TMEM120B: variants seen among roughly 807,000 people sequenced by gnomAD.
TMEM120B encodes the protein transmembrane protein 120B.
In TMEM120B, 31 loss-of-function variants were observed where a neutral mutation model predicts 55.5. That is an observed-to-expected ratio of 0.56 (90% CI 0.42 to 0.75). TMEM120B has a LOEUF of 0.75. Among genes scored for constraint, TMEM120B ranks in the 30% least tolerant of loss-of-function variants. TMEM120B has a pLI of 0.00. For synonymous variants in TMEM120B, 203 were observed against 176.3 expected (o/e 1.15, Z -1.20); for missense variants, 399 against 425.5 (o/e 0.94, Z 0.55).
At chr12:121,753,750 C>T (rs1274017879) in intron 5 of TMEM120B, among the ~76,000 whole-genome samples, 2 of 151,862 alleles carry the variant, frequency 1.3e-5, no homozygotes, top group Non-Finnish European at 2.9e-5. Flanking sequence ...GTTTTGAGAC[C>T]AACTGGCTGT....
chr12:121,728,051 A>C (rs916953976), intron 1 of TMEM120B, among the ~76,000 whole-genome samples: 3 of 151,272 alleles, frequency 2.0e-5, no homozygotes, highest in African/African-American at 7.3e-5. Context: ...TCTGTCGCCC[A>C]GGCTAGAGTG....
At position 121,748,359 on chromosome 12, in the gene TMEM120B, G is replaced by C. The variant is rs756138571; in HGVS notation, c.222G>C (p.Glu74Asp). ...GCCATGCCAGTCGGGAGGAGGCGGA[G>C]CTCGTTCAGCAGATGGCAGCGAACA... ...CKRHASREEA[E>D]LVQQMAANIK... Residue 74 changes from glutamate (E) to aspartate (D), a missense_variant, in exon 3 of 12, where the codon GAG becomes GAC. Physicochemically the swap from Glu to Asp is conservative, Grantham distance 45. Coordinates refer to ENST00000449592, the MANE Select transcript of TMEM120B (RefSeq NM_001080825.2). The C allele has an allele frequency of 3.7e-6, 6 of 1,611,130 alleles. No homozygotes were observed. Among genetic ancestry groups the C allele is most frequent in the Middle Eastern group, 1.7e-4 (1 of 6,048 alleles).
rs756080084 is a variant in TMEM120B at position 121,780,813 on chromosome 12, C to G, written c.*5091C>G. 14 of 1,556,708 alleles carry G rather than the reference C, an allele frequency of 9.0e-6. No homozygotes were observed. Among genetic ancestry groups the G allele is most frequent in the Non-Finnish European group, 1.2e-5 (14 of 1,155,118 alleles). On this transcript the variant is annotated 3_prime_UTR_variant, in exon 12 of 12. Transcript: ENST00000449592. ...ACTAAGGCACCCCAGTTGCAGAGGCCAAAGGTCCGGGAGGCTTCACAGCCA... is the reference window on the plus strand; with the variant it reads ...ACTAAGGCACCCCAGTTGCAGAGGCGAAAGGTCCGGGAGGCTTCACAGCCA...
At chr12:121,746,197 T>A (rs1390855277) in intron 2 of TMEM120B, among the ~76,000 whole-genome samples, 1 of 150,148 alleles carries the variant, frequency 6.7e-6, no homozygotes, top group Non-Finnish European at 1.5e-5. Context: ...CCACTTTTTT[T>A]TTTTTTTGAG....
At chr12:121,731,027 C>T (rs74466708) in intron 1 of TMEM120B, among the ~76,000 whole-genome samples, 2,180 of 151,296 alleles carry the variant, frequency 0.014, 21 homozygotes, top group South Asian at 0.04. Context: ...TAGTCAAATT[C>T]GTAGAGACAG....
intron 5 of TMEM120B, chr12:121,758,912 T>G (rs1330539335): frequency 1.1e-6 from 1 of 919,890 alleles, no homozygotes; most frequent in East Asian, 1.6e-4. Flanking sequence ...CCTAGCCCCG[T>G]GCTGTGGTCA....
rs1207960963 is a variant in TMEM120B, at chr12:121,781,323, A to G, written c.*5601A>G. On this transcript the variant is annotated 3_prime_UTR_variant, in exon 12 of 12. Transcript: ENST00000449592. ...TTTCCTCATCTATACAATGGGCAGC[A>G]AGCCAGGAGTGCTGGCACAGGCCTG... 4 of 742,978 alleles carry G rather than the reference A, an allele frequency of 5.4e-6. No homozygotes were observed. The highest frequency in any genetic ancestry group is 8.8e-6 in the Non-Finnish European group (4 of 454,806). 46.0% of individuals were successfully genotyped at this position (742,978 alleles called of 1,614,324 possible). A position where few individuals can be genotyped will look rare whatever the true frequency, so the allele number is the denominator to read the frequency against.
At chr12:121,753,366 T>A (rs1873387136) in intron 5 of TMEM120B, among the ~76,000 whole-genome samples, 1 of 151,928 alleles carries the variant, frequency 6.6e-6, no homozygotes, top group African/African-American at 2.4e-5. Flanking sequence ...GTAATAAGAA[T>A]GTTCTCCCAG....
chr12:121,765,887 C>G (rs1873830573), intron 6 of TMEM120B, among the ~76,000 whole-genome samples: 1 of 152,098 alleles, frequency 6.6e-6, no homozygotes, highest in African/African-American at 2.4e-5. Flanking sequence ...CTCAGAAGCC[C>G]TTGCAGGAGA....
intron 1 of TMEM120B, among the ~76,000 whole-genome samples, chr12:121,743,101 T>A (rs887934080): frequency 2.0e-5 from 3 of 152,150 alleles, no homozygotes; most frequent in Admixed American, 6.6e-5. Flanking sequence ...TGAATGGTTA[T>A]TTCAGGAATG....
chr12:121,761,623 C>A, intron 5 of TMEM120B, 26 bp from the exon 6 acceptor site: 1 of 1,600,406 alleles, frequency 6.2e-7, no homozygotes. Context: ...GCCCGCACCC[C>A]TCCCGGGGGC....
chr12:121,713,369 G>C (rs1385865126), intron 1 of TMEM120B, among the ~76,000 whole-genome samples: 2 of 152,260 alleles, frequency 1.3e-5, no homozygotes, highest in South Asian at 2.1e-4. Flanking sequence ...TGGTAGCTCA[G>C]CTCCCACCCC....
At chr12:121,737,689 A>G (rs1469162524) in intron 1 of TMEM120B, among the ~76,000 whole-genome samples, 2 of 152,020 alleles carry the variant, frequency 1.3e-5, no homozygotes, top group East Asian at 3.9e-4. Flanking sequence ...GAGGGCAAGC[A>G]GTTCCTAATA....
At chr12:121,741,926 C>G (rs368380554) in intron 1 of TMEM120B, among the ~76,000 whole-genome samples, 2 of 152,146 alleles carry the variant, frequency 1.3e-5, no homozygotes, top group African/African-American at 4.8e-5. Context: ...GTGACTCACT[C>G]ACAGCATTCT....
rs1230028168 is a variant in TMEM120B at position 121,774,558 on chromosome 12, C to T, written c.773-100C>T. ...CCCGCATGTGTGACTGTCCCTGGCT[C>T]ATCTTAGGGTGACTGGTGTGGCTGG... On this transcript the variant is annotated intron_variant, in intron 9 of 11. Coordinates refer to ENST00000449592, the MANE Select transcript of TMEM120B (RefSeq NM_001080825.2). 7 of 1,173,538 alleles carry T rather than the reference C, an allele frequency of 6.0e-6. No individual in the cohort carries two copies. The Admixed American group carries it at 6.1e-5, about 10-fold the overall frequency. 72.7% of individuals were successfully genotyped at this position (1,173,538 alleles called of 1,614,324 possible).
chr12:121,744,054 T>C lies in TMEM120B; in HGVS notation c.188+307T>C, dbSNP rs574714270. Among the ~76,000 whole-genome samples, 885 of 147,348 alleles carry C rather than the reference T, an allele frequency of 6.0e-3. 10 individuals carry two copies. The highest frequency in any genetic ancestry group is 0.02 in the African/African-American group (799 of 40,358). On this transcript the variant is annotated intron_variant, in intron 2 of 11. Coordinates refer to ENST00000449592, the MANE Select transcript of TMEM120B (RefSeq NM_001080825.2). ...CCTGGCTGAAGGAGAGTGTCTCTCT[T>C]TTTTTTTTTTTTTTTTTCTTGAAAT...
At chr12:121,722,503 G>A (rs1357217123) in intron 1 of TMEM120B, among the ~76,000 whole-genome samples, 2 of 152,172 alleles carry the variant, frequency 1.3e-5, no homozygotes, top group East Asian at 1.9e-4. Context: ...CAACCTGAAC[G>A]TCCGTGGGAA....
intron 5 of TMEM120B, among the ~76,000 whole-genome samples, chr12:121,757,380 C>G (rs1306785960): frequency 6.6e-6 from 1 of 152,018 alleles, no homozygotes; most frequent in Non-Finnish European, 1.5e-5. Context: ...CTCACTCTGT[C>G]TCCGAGGCTG....
chr12:121,712,865 C>A lies in TMEM120B; in HGVS notation c.-31C>A. 5 of 1,449,892 alleles carry A rather than the reference C, an allele frequency of 3.4e-6. No individual in the cohort carries two copies. Among genetic ancestry groups the A allele is most frequent in the Non-Finnish European group, 4.5e-6 (5 of 1,100,824 alleles). 89.8% of individuals were successfully genotyped at this position (1,449,892 alleles called of 1,614,324 possible). On this transcript the variant is annotated 5_prime_UTR_variant, in exon 1 of 12. Transcript: ENST00000449592. ...GGTCGGGCAGCGCTGCGGGAGCAGC[C>A]GCCGGCACCGCCGCCTTGCACCATC... is the stretch of plus-strand genomic sequence containing the variant.
Sources: gnomAD v4.1 joint callset for allele counts (sites outside exome capture counted in the v4.1 genomes callset) on GRCh38, gnomAD v4.1.1 for gene constraint, MANE v1.5 for transcripts, NCBI Gene and HGNC (gene_info 2026-07-23, HGNC 2026-07-21) for gene names.